NR2C1: variants seen among roughly 807,000 people sequenced by gnomAD.
The protein encoded by NR2C1 is TR2 nuclear hormone receptor.
Under a neutral mutation model 74.8 loss-of-function variants are expected in NR2C1, and 33 were observed. The ratio of observed to expected loss-of-function variants is 0.44; its 90% confidence interval spans 0.33 to 0.59. NR2C1 has a LOEUF of 0.59. Ranked by LOEUF, NR2C1 falls within the 20% of genes least tolerant of loss-of-function variation. NR2C1 has a pLI of 0.02. For synonymous variants in NR2C1, 225 were observed against 240.6 expected (o/e 0.94, Z 0.60); for missense variants, 568 against 715.6 (o/e 0.79, Z 2.35).
intron 9 of NR2C1, among the ~76,000 whole-genome samples, 155 bp downstream of exon 9, chr12:95,048,913 T>C (rs1331141161): frequency 6.6e-6 from 1 of 152,176 alleles, no homozygotes; most frequent in Non-Finnish European, 1.5e-5. Flanking sequence ...CATAAGCCAC[T>C]GTGCCTGGCC....
Position 95,020,353 on chromosome 12 carries a change from A to C in NR2C1, c.*1876T>G, listed in dbSNP as rs1464909611. ...ATAGTAGCAAATTTAATCAGAAAAA[A>C]CACCTGAAACATCTTAACTATTAGT... On this transcript the variant is annotated 3_prime_UTR_variant, in exon 14 of 14. Coordinates refer to ENST00000333003, the MANE Select transcript of NR2C1 (RefSeq NM_003297.4). 6.6e-6 allele frequency: 1 copy of C among 152,148 alleles called. No homozygotes were observed. Among genetic ancestry groups the C allele is most frequent in the Non-Finnish European group, 1.5e-5 (1 of 68,010 alleles). 9.4% of individuals were successfully genotyped at this position (152,148 alleles called of 1,614,324 possible).
chr12:95,066,771 C>G (rs771261023), intron 2 of NR2C1, among the ~76,000 whole-genome samples: 2 of 152,188 alleles, frequency 1.3e-5, no homozygotes, highest in African/African-American at 2.4e-5. Flanking sequence ...GTCACACAGT[C>G]TGTAGAAAAT....
At chr12:95,034,898 GATTAC>G (rs545715231) in intron 10 of NR2C1, among the ~76,000 whole-genome samples, 147 of 152,036 alleles carry the variant, frequency 9.7e-4, no homozygotes, top group Non-Finnish European at 1.6e-3. Context: ...GCATTTCTCA[GATTAC>G]ATAGCCATCA....
chr12:95,063,159 C>T (rs566121763), intron 2 of NR2C1, among the ~76,000 whole-genome samples: 1 of 151,668 alleles, frequency 6.6e-6, no homozygotes, highest in South Asian at 2.1e-4. Flanking sequence ...TGAAGAAAAA[C>T]AAGGCAAGGT....
At position 95,028,431 on chromosome 12, in the gene NR2C1, C is replaced by T. The variant is rs755565302; in HGVS notation, c.1487G>A (p.Gly496Glu). Residue 496 changes from glycine to glutamate, a missense_variant, in exon 12 of 14, where the codon GGA becomes GAA. Physicochemically the swap from Gly to Glu is moderately conservative, Grantham distance 98. Transcript: ENST00000333003. ...CNSMVKLCIDGYEYAYLKAIV... is the reference protein window; with the variant it reads ...CNSMVKLCIDEYEYAYLKAIV... ...TGCCTTCAGGTAGGCATATTCGTAT[C>T]CATCAATGCAGAGTTTAACCATGCT... 6.2e-7 allele frequency: 1 copy of T among 1,609,908 alleles called. No individual in the cohort carries two copies. The highest frequency in any genetic ancestry group is 8.5e-7 in the Non-Finnish European group (1 of 1,176,824).
intron 3 of NR2C1, among the ~76,000 whole-genome samples, chr12:95,061,514 TTTGTC>T (rs1413698386): frequency 2.6e-5 from 4 of 152,192 alleles, no homozygotes; most frequent in Admixed American, 6.5e-5. Flanking sequence ...TTTTGTGACT[TTTGTC>T]TTGTTGATAA....
intron 4 of NR2C1, 41 bp downstream of exon 4, chr12:95,059,865 A>AT (rs762627758): frequency 0.011 from 13,322 of 1,237,910 alleles, 1 homozygote; most frequent in South Asian, 0.012. Flanking sequence ...ATAGGAGGTT[A>AT]TTTTTTTTTT....
rs569280584 is a variant in NR2C1 at position 95,021,381 on chromosome 12, G to C, written c.*848C>G. The stretch of plus-strand genomic sequence containing the variant: ...AGACAGCAGTAGGCCAGGCACGGTG[G>C]CACGCGCCTGTAATCCCAGTACTTT... On this transcript the variant is annotated 3_prime_UTR_variant, in exon 14 of 14. Coordinates refer to ENST00000333003, the MANE Select transcript of NR2C1 (RefSeq NM_003297.4). The C allele has an allele frequency of 6.6e-6, 1 of 151,568 alleles. No homozygotes were observed. The highest frequency in any genetic ancestry group is 1.5e-5 in the Non-Finnish European group (1 of 67,920). 9.4% of individuals were successfully genotyped at this position (151,568 alleles called of 1,614,324 possible).
At chr12:95,030,676 C>G (rs768033615) in intron 11 of NR2C1, 4 of 1,605,816 alleles carry the variant, frequency 2.5e-6, no homozygotes, top group African/African-American at 1.3e-5. Flanking sequence ...TTATATAAAA[C>G]AATAAGAAAT....
intron 7 of NR2C1, among the ~76,000 whole-genome samples, chr12:95,053,533 T>A (rs1215022033): frequency 6.6e-6 from 1 of 152,032 alleles, no homozygotes; most frequent in Non-Finnish European, 1.5e-5. Context: ...TTTCATATAT[T>A]TGATTTAAAT....
chr12:95,051,818 A>G lies in NR2C1; in HGVS notation c.909T>C (p.Asn303=). The G allele has an allele frequency of 1.9e-6, 3 of 1,609,006 alleles. No homozygotes were observed. The highest frequency in any genetic ancestry group is 8.5e-7 in the Non-Finnish European group (1 of 1,178,956). ...NEMSMIESLS[N]DDTSLCEFQE... ...GAAATTCACACAAAGAGGTATCATC[A>G]TTGCTTAAGCTTTCAATCATAGACA... Residue 303 remains asparagine (N), a synonymous_variant, in exon 8 of 14, where the codon AAT becomes AAC. Coordinates refer to ENST00000333003, the MANE Select transcript of NR2C1 (RefSeq NM_003297.4).
rs189099214 is a variant in NR2C1, at chr12:95,025,615, G to A, written c.1532-360C>T. On this transcript the variant is annotated intron_variant, in intron 12 of 13. Coordinates refer to ENST00000333003, the MANE Select transcript of NR2C1 (RefSeq NM_003297.4). ...AGAGGTTGCTGTGAGCCGAGACAGC[G>A]CCATTGCACTCCAGCCTGGGCAACA... Among the ~76,000 whole-genome samples, 697 of 136,154 alleles carry A rather than the reference G, an allele frequency of 5.1e-3. 2 individuals carry two copies. The highest frequency in any genetic ancestry group is 6.7e-3 in the Non-Finnish European group (441 of 65,710). 89.3% of individuals were successfully genotyped at this position (136,154 alleles called of 152,430 possible).
chr12:95,048,826 G>A (rs1322448767), intron 9 of NR2C1, among the ~76,000 whole-genome samples: 1 of 152,006 alleles, frequency 6.6e-6, no homozygotes, highest in Non-Finnish European at 1.5e-5. Flanking sequence ...GTTTCTCCAT[G>A]TTGGTCAGGC....
At chr12:95,028,653 T>A in intron 11 of NR2C1, 129 bp from the exon 12 acceptor site, 1 of 667,724 alleles carries the variant, frequency 1.5e-6, no homozygotes, top group Non-Finnish European at 2.5e-6. Flanking sequence ...AGACAGGGTT[T>A]TACTCCTGTC....
chr12:95,043,618 G>A (rs938651438), intron 9 of NR2C1, among the ~76,000 whole-genome samples: 6 of 145,030 alleles, frequency 4.1e-5, no homozygotes, highest in East Asian at 4.2e-4. Flanking sequence ...GGAACCCAGC[G>A]GGTAGAGGCT....
intron 8 of NR2C1, 117 bp from the exon 9 acceptor site, chr12:95,049,350 ACT>A (rs1175174501): frequency 1.8e-5 from 18 of 978,486 alleles, no homozygotes; most frequent in Non-Finnish European, 2.2e-5. Context: ...CTGGTCTAGA[ACT>A]CAAGTGATAT....
chr12:95,045,050 A>C (rs1028714178), intron 9 of NR2C1, among the ~76,000 whole-genome samples: 1 of 152,168 alleles, frequency 6.6e-6, no homozygotes, highest in African/African-American at 2.4e-5. Context: ...CACAAATAGA[A>C]AAAAATCATT....
chr12:95,031,810 T>G (rs1024752554), intron 10 of NR2C1, among the ~76,000 whole-genome samples: 1 of 151,780 alleles, frequency 6.6e-6, no homozygotes, highest in Non-Finnish European at 1.5e-5. Context: ...AAGCATATAT[T>G]AAAAAAAAAC....
intron 10 of NR2C1, among the ~76,000 whole-genome samples, chr12:95,032,207 G>A (rs1870211987): frequency 6.6e-6 from 1 of 152,138 alleles, no homozygotes; most frequent in Admixed American, 6.5e-5. Context: ...CCAATTTTAG[G>A]AGAAAAATGG....
Sources: allele counts gnomAD v4.1 joint callset (sites outside exome capture counted in the v4.1 genomes callset), GRCh38; gene constraint gnomAD v4.1.1; transcripts MANE v1.5; gene names NCBI Gene and HGNC (gene_info 2026-07-23, HGNC 2026-07-21).